The following CLEC12A variants were observed in gnomAD, a reference collection of about 807,000 sequenced individuals.
CLEC12A encodes the protein C-type lectin domain family 12 member A.
A neutral mutation model predicts 26.5 loss-of-function variants in CLEC12A; 22 were observed. That is an observed-to-expected ratio of 0.83 (90% CI 0.59 to 1.19). The LOEUF is 1.19. Among genes scored for constraint, CLEC12A ranks in the 50% most tolerant of loss-of-function variants. CLEC12A has a pLI of 0.00. For missense variants in CLEC12A, 353 were observed against 315.6 expected (o/e 1.12, Z -0.90); for synonymous variants, 119 against 101.9 (o/e 1.17, Z -1.01).
intron 4 of CLEC12A, among the ~76,000 whole-genome samples, chr12:9,990,675 CAGT>C (rs1301511725): frequency 6.6e-6 from 1 of 152,122 alleles, no homozygotes; most frequent in East Asian, 1.9e-4. Context: ...GTTGATAAAG[CAGT>C]AGCAGGATTT....
At chr12:9,986,365 T>G (rs899169259), downstream of CLEC12A, among the ~76,000 whole-genome samples, 1 of 147,446 alleles carries the variant, frequency 6.8e-6, no homozygotes. Context: ...AAAAAAAGAT[T>G]AGGACTGAAA....
At chr12:9,952,091 A>G (rs1372867096) in intron 1 of CLEC12A, 1 of 86,820 alleles carries the variant, frequency 1.2e-5, no homozygotes, top group African/African-American at 3.2e-5. Context: ...TGTCTCAAGG[A>G]AAAAAAAAAA....
rs1237509422 is a variant in CLEC12A at position 9,971,644 on chromosome 12, T to C, written c.48T>C (p.Ser16=). 6 of 1,610,332 alleles carry C rather than the reference T, an allele frequency of 3.7e-6. No individual in the cohort carries two copies. Among genetic ancestry groups the C allele is most frequent in the Admixed American group, 1.7e-5 (1 of 59,582 alleles). The change falls in exon 1 of 6, where the codon AGT becomes AGC. Residue 16 remains serine (S), a synonymous_variant. Transcript: ENST00000304361. ...CAGATCTTCAATTCCAGAACTCCAG[T>C]GAGATGGAAAAAATCCCAGAAATTG... ...TYADLQFQNS[S]EMEKIPEIGK...
intron 1 of CLEC12A, among the ~76,000 whole-genome samples, chr12:9,972,238 G>T (rs547217174): frequency 6.6e-6 from 1 of 151,778 alleles, no homozygotes; most frequent in Admixed American, 6.6e-5. Flanking sequence ...GAATCATTAA[G>T]GAATAAAGGA....
Position 9,984,925 on chromosome 12 carries a change from C to T in CLEC12A, c.697C>T (p.Leu233=). The T allele has an allele frequency of 6.3e-7, 1 of 1,581,868 alleles. No individual in the cohort carries two copies. Among genetic ancestry groups the T allele is most frequent in the Non-Finnish European group, 8.6e-7 (1 of 1,161,580 alleles). The change falls in exon 6 of 6, where the codon CTA becomes TTA. Residue 233 remains leucine (L), a synonymous_variant. Transcript: ENST00000304361. The part of the protein sequence containing the change: ...NNMYCGYINR[L]YVQYYHCTYK... The stretch of plus-strand genomic sequence containing the variant: ...CATGTATTGTGGATATATAAATAGA[C>T]TATATGTTCAATATTATCACTGCAC...
At chr12:9,960,267 G>A (rs148104862) in intron 1 of CLEC12A, among the ~76,000 whole-genome samples, 4 of 152,238 alleles carry the variant, frequency 2.6e-5, no homozygotes, top group African/African-American at 9.6e-5. Flanking sequence ...ATAAGAAACT[G>A]TAAAAGGAAT....
intron 1 of CLEC12A, among the ~76,000 whole-genome samples, chr12:9,964,115 G>A (rs183227618): frequency 2.0e-5 from 3 of 152,278 alleles, no homozygotes; most frequent in East Asian, 1.9e-4. Flanking sequence ...AGGTAAATAC[G>A]GGGGGAGTAG....
At chr12:9,990,913 A>C (rs1289403458) in intron 4 of CLEC12A, 1 of 152,224 alleles carries the variant, frequency 6.6e-6, no homozygotes, top group Non-Finnish European at 1.5e-5. Flanking sequence ...ACACCAGCAA[A>C]AAGATTTTCA....
At chr12:9,960,482 C>T (rs1863811000) in intron 1 of CLEC12A, among the ~76,000 whole-genome samples, 1 of 152,112 alleles carries the variant, frequency 6.6e-6, no homozygotes, top group Non-Finnish European at 1.5e-5. Flanking sequence ...TGTTCTAAAA[C>T]TGAAATAAAA....
At chr12:9,952,773 C>T (rs1863646671) in intron 1 of CLEC12A, 1 of 102,658 alleles carries the variant, frequency 9.7e-6, no homozygotes, top group Admixed American at 9.9e-5. Context: ...AAGTGAGGAG[C>T]GTCTCTGCCC....
At chr12:9,984,015 G>A in intron 5 of CLEC12A, 1 of 281,204 alleles carries the variant, frequency 3.6e-6, no homozygotes, top group East Asian at 1.1e-4. Context: ...AAATGGAATG[G>A]TAATCTATAA....
At position 9,952,544 on chromosome 12, in the gene CLEC12A, A is replaced by T. The variant is rs79700347; in HGVS notation, c.10+1188A>T. The T allele has an allele frequency of 6.9e-5, 9 of 129,708 alleles. No individual in the cohort carries two copies. The South Asian group carries it at 1.3e-3, about 19-fold the overall frequency. The allele number at this position is 129,708 out of a possible 1,614,324, so 8.0% of individuals were successfully genotyped here. ...TCACTACAACCTACACCTCCCAGCA[A>T]CCTGCCTTGGCCTCCCAAAGTGCCG... On this transcript the variant is annotated intron_variant, in intron 1 of 6. Coordinates refer to the CLEC12A transcript ENST00000355690.
chr12:9,954,337 A>G (rs1304700380), intron 1 of CLEC12A, among the ~76,000 whole-genome samples: 1 of 152,062 alleles, frequency 6.6e-6, no homozygotes, highest in East Asian at 1.9e-4. Context: ...TCTACAAAAA[A>G]TACAAATATT....
At chr12:9,955,986 T>C (rs1210878021) in intron 1 of CLEC12A, among the ~76,000 whole-genome samples, 1 of 152,168 alleles carries the variant, frequency 6.6e-6, no homozygotes, top group African/African-American at 2.4e-5. Flanking sequence ...AAAAAAAAGA[T>C]ACAAGAACTG....
upstream of CLEC12A, among the ~76,000 whole-genome samples, chr12:9,969,374 A>C (rs1211334031): frequency 6.6e-6 from 1 of 152,202 alleles, no homozygotes; most frequent in African/African-American, 2.4e-5. Context: ...ACATACAACT[A>C]TTTTGTATCA....
At chr12:9,993,115 T>A in intron 4 of CLEC12A, 1 of 1,586,798 alleles carries the variant, frequency 6.3e-7, no homozygotes, top group Non-Finnish European at 8.6e-7. Flanking sequence ...AAAGCCCTTA[T>A]CTGTGTTATC....
intron 1 of CLEC12A, among the ~76,000 whole-genome samples, chr12:9,960,979 C>T (rs569969845): frequency 7.9e-5 from 12 of 152,286 alleles, no homozygotes; most frequent in South Asian, 2.1e-4. Context: ...TGACCATGCC[C>T]GTGACACAGC....
chr12:10,004,042 C>T, the CLEC12A span, among the ~76,000 whole-genome samples: 555 of 152,252 alleles, frequency 3.6e-3, 3 homozygotes, highest in African/African-American at 0.013. Flanking sequence ...GGGTATGTGA[C>T]GGGCATGTCT....
At chr12:9,961,001 C>G (rs2137104788) in intron 1 of CLEC12A, among the ~76,000 whole-genome samples, 1 of 152,306 alleles carries the variant, frequency 6.6e-6, no homozygotes, top group Middle Eastern at 3.4e-3. Flanking sequence ...CTCAGGAGGC[C>G]CTGCGAACAT....
Sources: allele counts gnomAD v4.1 joint callset (sites outside exome capture counted in the v4.1 genomes callset), GRCh38; gene constraint gnomAD v4.1.1; transcripts MANE v1.5; gene names NCBI Gene and HGNC (gene_info 2026-07-23, HGNC 2026-07-21).